ITSN1: variants seen among roughly 807,000 people sequenced by gnomAD.
ITSN1 encodes the protein intersectin-1.
In ITSN1, 58 loss-of-function variants were observed where a neutral mutation model predicts 239.8. The observed-to-expected ratio is 0.24, with a 90% CI of 0.20 to 0.30. The LOEUF (loss-of-function observed/expected upper bound fraction) is 0.30. Among genes scored for constraint, ITSN1 ranks in the 10% least tolerant of loss-of-function variants. ITSN1 has a pLI of 1.00. For synonymous variants in ITSN1, 780 were observed against 770.8 expected (o/e 1.01, Z -0.20); for missense variants, 1,558 against 2,103.3 (o/e 0.74, Z 5.07).
intron 1 of ITSN1, among the ~76,000 whole-genome samples, chr21:33,710,400 G>A (rs940587743): frequency 4.0e-5 from 6 of 151,852 alleles, no homozygotes; most frequent in Admixed American, 6.6e-5. Flanking sequence ...TGGATGTTGC[G>A]TTTTTGTCAG....
At chr21:33,648,872 G>A (rs773776925) in intron 1 of ITSN1, among the ~76,000 whole-genome samples, 1 of 150,116 alleles carries the variant, frequency 6.7e-6, no homozygotes, top group Non-Finnish European at 1.5e-5. Context: ...AGAAAAGAAA[G>A]GAGAGAAAGA....
intron 1 of ITSN1, among the ~76,000 whole-genome samples, chr21:33,710,170 C>T (rs1299185252): frequency 1.3e-5 from 2 of 151,506 alleles, no homozygotes; most frequent in African/African-American, 4.9e-5. Context: ...GCTCTGCCTC[C>T]CGGGTTCACG....
At chr21:33,782,207 T>C (rs1023168338) in intron 16 of ITSN1, 74 bp downstream of exon 16, 14 of 1,414,420 alleles carry the variant, frequency 9.9e-6, no homozygotes, top group African/African-American at 2.9e-5. Flanking sequence ...TTAGTTGCTA[T>C]TTAATCACAG....
chr21:33,670,369 A>G (rs958292957), intron 1 of ITSN1, among the ~76,000 whole-genome samples: 1 of 152,162 alleles, frequency 6.6e-6, no homozygotes, highest in Non-Finnish European at 1.5e-5. Flanking sequence ...AACAAAACAA[A>G]ACAAAATCTG....
chr21:33,706,030 T>G (rs1043015220), intron 1 of ITSN1, among the ~76,000 whole-genome samples: 2 of 152,144 alleles, frequency 1.3e-5, no homozygotes, highest in Admixed American at 1.3e-4. Context: ...ATCTTTTATA[T>G]TTGAATTTTG....
At chr21:33,866,739 G>A (rs1981661444) in intron 32 of ITSN1, among the ~76,000 whole-genome samples, 1 of 152,174 alleles carries the variant, frequency 6.6e-6, no homozygotes, top group South Asian at 2.1e-4. Flanking sequence ...CGTTGTCTGA[G>A]CTCCTCTTTC....
chr21:33,875,869 T>G (rs1983649257), intron 34 of ITSN1, among the ~76,000 whole-genome samples: 1 of 152,180 alleles, frequency 6.6e-6, no homozygotes, highest in African/African-American at 2.4e-5. Flanking sequence ...TTAGTAGAGA[T>G]GGGGTTTCCC....
Position 33,676,027 on chromosome 21 carries a change from CTTTTTTTTGTTT to C in ITSN1, c.-33+33327_-33+33338del, listed in dbSNP as rs764269166. 4.2e-4 allele frequency among the ~76,000 whole-genome samples: 63 copies of C among 150,042 alleles called. No individual in the cohort carries two copies. The East Asian group carries it at 0.011, about 25-fold the overall frequency. ...AGAAGTGCCATCCACTATGATTTTC[CTTTTTTTTGTTT>C]TTTTTTTTGTTTGACATGGAGTTTT... On this transcript the variant is annotated intron_variant, in intron 1 of 39. Coordinates refer to ENST00000381318, the MANE Select transcript of ITSN1 (RefSeq NM_003024.3).
chr21:33,797,302 T>A lies in ITSN1; in HGVS notation c.1953-77T>A. 7.9e-7 allele frequency: 1 copy of A among 1,268,222 alleles called. No homozygotes were observed. The highest frequency in any genetic ancestry group is 1.1e-6 in the Non-Finnish European group (1 of 881,806). The allele number at this position is 1,268,222 out of a possible 1,614,324, so 78.6% of individuals were successfully genotyped here. A position where few individuals can be genotyped will look rare whatever the true frequency, so the allele number is the denominator to read the frequency against. ...TCCCATCCCATTTACTGGATGGAGC[T>A]TTTTTTGTGAAAAGAGGCAACAGTA... is the stretch of plus-strand genomic sequence containing the variant. On this transcript the variant is annotated intron_variant, in intron 17 of 39. Transcript: ENST00000381318. The surrounding 1 kb of genome is among the most constrained non-coding windows in gnomAD (Gnocchi z 4.9).
intron 1 of ITSN1, among the ~76,000 whole-genome samples, chr21:33,656,239 G>A (rs569788161): frequency 4.8e-4 from 73 of 152,202 alleles, no homozygotes; most frequent in African/African-American, 1.6e-3. Flanking sequence ...ACCTAAACTC[G>A]TGGAATTAAC....
chr21:33,720,565 C>CT (rs1481051768), intron 2 of ITSN1, among the ~76,000 whole-genome samples: 4 of 150,954 alleles, frequency 2.6e-5, no homozygotes, highest in Non-Finnish European at 4.4e-5. Context: ...CCCTGCCCTT[C>CT]TTTTTTTTTA....
intron 1 of ITSN1, among the ~76,000 whole-genome samples, chr21:33,667,169 G>A (rs942821005): frequency 2.6e-5 from 4 of 151,382 alleles, no homozygotes; most frequent in Admixed American, 6.6e-5. Context: ...CTCCACAGGT[G>A]TAAAGTGTAG....
chr21:33,828,820 G>A (rs1285430298), intron 26 of ITSN1: 10 of 390,596 alleles, frequency 2.6e-5, no homozygotes, highest in Non-Finnish European at 4.2e-5. Flanking sequence ...TCCTGGGCCC[G>A]TGGAAATGGT....
chr21:33,880,071 A>G (rs1247938214), intron 34 of ITSN1, among the ~76,000 whole-genome samples: 2 of 152,112 alleles, frequency 1.3e-5, no homozygotes, highest in Admixed American at 6.5e-5. Context: ...TATCATGCAC[A>G]GCGTCGTTGT....
chr21:33,746,586 A>G (rs1421476379), intron 5 of ITSN1, among the ~76,000 whole-genome samples: 1 of 152,242 alleles, frequency 6.6e-6, no homozygotes, highest in Non-Finnish European at 1.5e-5. Context: ...CACACGTGTA[A>G]TCCCAGCACT....
intron 1 of ITSN1, among the ~76,000 whole-genome samples, chr21:33,695,319 G>A (rs1305112860): frequency 6.6e-6 from 1 of 152,150 alleles, no homozygotes; most frequent in Admixed American, 6.6e-5. Flanking sequence ...AAAGTAAACT[G>A]GTTTAGATTC....
intron 9 of ITSN1, among the ~76,000 whole-genome samples, chr21:33,764,619 C>T (rs2300378): frequency 0.23 from 34,471 of 152,026 alleles, 6,384 homozygotes; most frequent in African/African-American, 0.51. Context: ...ACTCTCAGAC[C>T]TATACTCTAG....
At chr21:33,848,835 T>C (rs947234506) in intron 29 of ITSN1, among the ~76,000 whole-genome samples, 1 of 152,252 alleles carries the variant, frequency 6.6e-6, no homozygotes, top group East Asian at 1.9e-4. Context: ...CCCTCACCGC[T>C]GCCTGCCCCC....
chr21:33,798,263 A>AT (rs2071715306), intron 18 of ITSN1, among the ~76,000 whole-genome samples: 1 of 145,240 alleles, frequency 6.9e-6, no homozygotes, highest in South Asian at 2.2e-4. Flanking sequence ...ATGCCCAGCT[A>AT]ATTTTTTTTT....
Sources: allele counts gnomAD v4.1 joint callset (sites outside exome capture counted in the v4.1 genomes callset), GRCh38; gene constraint gnomAD v4.1.1; non-coding constraint Gnocchi (gnomAD v3.1); transcripts MANE v1.5; gene names NCBI Gene and HGNC (gene_info 2026-07-23, HGNC 2026-07-21).